The following ARHGAP18 variants were observed in gnomAD, a reference collection of about 807,000 sequenced individuals.
The protein encoded by ARHGAP18 is Rho GTPase activating protein 18.
In ARHGAP18, 67 loss-of-function variants were observed where a neutral mutation model predicts 86.2. The ratio of observed to expected loss-of-function variants is 0.78; its 90% CI spans 0.64 to 0.95. ARHGAP18 has a LOEUF of 0.95. ARHGAP18 is among the 40% of genes least tolerant of loss of function. The pLI is 0.00. For missense variants in ARHGAP18, 691 were observed against 780.4 expected (o/e 0.89, Z 1.37); for synonymous variants, 283 against 280.4 (o/e 1.01, Z -0.09).
intron 12 of ARHGAP18, among the ~76,000 whole-genome samples, chr6:129,584,694 C>T (rs1180523093): frequency 2.6e-5 from 4 of 152,218 alleles, no homozygotes; most frequent in East Asian, 1.9e-4. Flanking sequence ...TTTATGGATT[C>T]GAGGATACCA....
intron 1 of ARHGAP18, among the ~76,000 whole-genome samples, chr6:129,692,129 C>G (rs959936412): frequency 2.6e-5 from 4 of 152,230 alleles, no homozygotes; most frequent in African/African-American, 9.6e-5. Context: ...CAAAGACCCC[C>G]TCTTTCTTTG....
intron 2 of ARHGAP18, among the ~76,000 whole-genome samples, chr6:129,641,162 T>C (rs1298338948): frequency 1.3e-5 from 2 of 152,184 alleles, no homozygotes; most frequent in African/African-American, 4.8e-5. Flanking sequence ...AGAAGTATAC[T>C]TTGAATGACA....
chr6:129,656,642 TC>T (rs367907542), intron 1 of ARHGAP18, among the ~76,000 whole-genome samples: 11,141 of 150,478 alleles, frequency 0.074, 477 homozygotes, highest in African/African-American at 0.11. Context: ...AGATTCCGTC[TC>T]AAAAAAATAA....
chr6:129,663,478 A>G (rs1412648698), intron 1 of ARHGAP18, among the ~76,000 whole-genome samples: 1 of 152,182 alleles, frequency 6.6e-6, no homozygotes, highest in Non-Finnish European at 1.5e-5. Flanking sequence ...CCAGTCCTTA[A>G]TTACTCAAAT....
At chr6:129,704,135 A>G (rs994417870) in intron 1 of ARHGAP18, among the ~76,000 whole-genome samples, 1 of 152,132 alleles carries the variant, frequency 6.6e-6, no homozygotes, top group South Asian at 2.1e-4. Flanking sequence ...GTTTATCTCA[A>G]AAAGATATTT....
intron 5 of ARHGAP18, among the ~76,000 whole-genome samples, chr6:129,624,709 C>T (rs1359255538): frequency 6.6e-6 from 1 of 151,570 alleles, no homozygotes; most frequent in Admixed American, 6.6e-5. Flanking sequence ...TTTTGGAAGG[C>T]TGAGGTGGGT....
At chr6:129,621,059 A>G (rs748041568) in intron 5 of ARHGAP18, among the ~76,000 whole-genome samples, 9 of 152,208 alleles carry the variant, frequency 5.9e-5, no homozygotes, top group Non-Finnish European at 7.3e-5. Context: ...TGAGAAAAAG[A>G]TATTTATGTT....
At chr6:129,682,059 A>G (rs1301218582) in intron 1 of ARHGAP18, among the ~76,000 whole-genome samples, 2 of 152,216 alleles carry the variant, frequency 1.3e-5, no homozygotes, top group African/African-American at 2.4e-5. Context: ...CAGAATCATT[A>G]TGTGGTTTTT....
chr6:129,652,653 A>T (rs920823409), intron 1 of ARHGAP18, among the ~76,000 whole-genome samples: 4 of 152,202 alleles, frequency 2.6e-5, no homozygotes, highest in Non-Finnish European at 4.4e-5. Context: ...TCCCTCACAT[A>T]TAAGACTTAA....
At chr6:129,597,206 C>T (rs534386458) in intron 12 of ARHGAP18, among the ~76,000 whole-genome samples, 3 of 149,916 alleles carry the variant, frequency 2.0e-5, no homozygotes, top group Non-Finnish European at 3.0e-5. Context: ...AGTGCAGTGG[C>T]GCAATCTTGG....
intron 3 of ARHGAP18, among the ~76,000 whole-genome samples, chr6:129,634,640 A>C (rs1026749596): frequency 6.6e-6 from 1 of 152,172 alleles, no homozygotes; most frequent in African/African-American, 2.4e-5. Context: ...AAAGCTGACT[A>C]ATGGTCACCT....
At chr6:129,642,934 T>C (rs1468399752) in intron 1 of ARHGAP18, among the ~76,000 whole-genome samples, 1 of 152,098 alleles carries the variant, frequency 6.6e-6, no homozygotes, top group African/African-American at 2.4e-5. Flanking sequence ...TTATTAGCAA[T>C]TCTGAATAGC....
At chr6:129,664,340 T>G (rs967250271) in intron 1 of ARHGAP18, among the ~76,000 whole-genome samples, 6 of 152,114 alleles carry the variant, frequency 3.9e-5, no homozygotes, top group Non-Finnish European at 7.4e-5. Context: ...TTTGATCAAG[T>G]CACCTACCCT....
At chr6:129,596,042 A>G (rs1788609859) in intron 12 of ARHGAP18, among the ~76,000 whole-genome samples, 1 of 152,080 alleles carries the variant, frequency 6.6e-6, no homozygotes, top group Non-Finnish European at 1.5e-5. Context: ...GAACCTCCCA[A>G]ATGATCTCCC....
At chr6:129,609,531 T>C (rs886829585) in intron 8 of ARHGAP18, among the ~76,000 whole-genome samples, 2 of 152,234 alleles carry the variant, frequency 1.3e-5, no homozygotes, top group African/African-American at 2.4e-5. Context: ...ACTCGGTGAA[T>C]TGAGGACTAT....
intron 1 of ARHGAP18, among the ~76,000 whole-genome samples, chr6:129,683,603 C>T (rs1774366029): frequency 2.0e-5 from 3 of 152,038 alleles, no homozygotes; most frequent in African/African-American, 4.8e-5. Context: ...AATTACAGAG[C>T]GGAATGATAA....
intron 1 of ARHGAP18, among the ~76,000 whole-genome samples, chr6:129,701,372 C>G (rs1472919510): frequency 6.6e-6 from 1 of 152,176 alleles, no homozygotes; most frequent in Non-Finnish European, 1.5e-5. Flanking sequence ...CCCACAGACC[C>G]TGCTTTTCTA....
intron 1 of ARHGAP18, among the ~76,000 whole-genome samples, chr6:129,687,729 A>G (rs980685005): frequency 4.6e-5 from 7 of 152,234 alleles, no homozygotes. Context: ...AACTATGTTC[A>G]TGACACGACA....
At chr6:129,638,683 A>C (rs1773385559) in intron 2 of ARHGAP18, 54 bp from the exon 3 acceptor site, 1 of 1,511,182 alleles carries the variant, frequency 6.6e-7, no homozygotes, top group Non-Finnish European at 9.0e-7. Flanking sequence ...CAACCTTTAC[A>C]TTTTTTAAGC....
Sources: gnomAD v4.1 joint callset for allele counts (sites outside exome capture counted in the v4.1 genomes callset) on GRCh38, gnomAD v4.1.1 for gene constraint, MANE v1.5 for transcripts, NCBI Gene and HGNC (gene_info 2026-07-23, HGNC 2026-07-21) for gene names.